SOAT1: variants seen among roughly 807,000 people sequenced by gnomAD.
SOAT1 encodes sterol O-acyltransferase 1, also known as acyl-coenzyme A:cholesterol acyltransferase 1.
In SOAT1, 55 loss-of-function variants were observed where a neutral mutation model predicts 69.5. That is an observed-to-expected ratio of 0.79 (90% CI 0.64 to 0.99). The LOEUF is 0.99. Among genes scored for constraint, SOAT1 ranks in the 50% least tolerant of loss-of-function variants. SOAT1 has a pLI of 0.00. For synonymous variants in SOAT1, 231 were observed against 224.7 expected, an observed-to-expected ratio of 1.03 and a Z score of -0.25; for missense variants, 580 against 669.3, an observed-to-expected ratio of 0.87 and a Z score of 1.47.
intron 2 of SOAT1, among the ~76,000 whole-genome samples, chr1:179,317,970 T>C (rs965996280): frequency 1.3e-5 from 2 of 152,044 alleles, no homozygotes; most frequent in Non-Finnish European, 2.9e-5. Flanking sequence ...GAGGATTGTT[T>C]GAGGCCAGGA....
chr1:179,320,416 G>A (rs1665555036), intron 2 of SOAT1, among the ~76,000 whole-genome samples: 1 of 150,634 alleles, frequency 6.6e-6, no homozygotes. Context: ...TCTAAAATTG[G>A]GAAGTGTGAG....
chr1:179,331,476 G>A (rs1665971819), intron 3 of SOAT1, among the ~76,000 whole-genome samples: 1 of 152,148 alleles, frequency 6.6e-6, no homozygotes, highest in Admixed American at 6.5e-5. Context: ...AGTGGCTCAC[G>A]CCTGTAAACC....
At chr1:179,297,156 C>T (rs1317896899) in intron 1 of SOAT1, among the ~76,000 whole-genome samples, 2 of 152,166 alleles carry the variant, frequency 1.3e-5, no homozygotes, top group Admixed American at 6.5e-5. Flanking sequence ...GCTTCCTAAA[C>T]GCTAGAGATT....
intron 2 of SOAT1, among the ~76,000 whole-genome samples, chr1:179,314,514 A>G (rs1665326718): frequency 6.6e-6 from 1 of 152,200 alleles, no homozygotes; most frequent in Non-Finnish European, 1.5e-5. Flanking sequence ...TGCTAAAGAT[A>G]TCACTATAAT....
chr1:179,314,556 G>A (rs1313721351), intron 2 of SOAT1, among the ~76,000 whole-genome samples: 1 of 152,180 alleles, frequency 6.6e-6, no homozygotes, highest in East Asian at 1.9e-4. Context: ...TCTCTTACTT[G>A]TTCCGAAGAT....
chr1:179,339,520 G>C lies in SOAT1; in HGVS notation c.472G>C (p.Val158Leu). 2.5e-6 allele frequency: 4 copies of C among 1,610,746 alleles called. No individual in the cohort carries two copies. The highest frequency in any genetic ancestry group is 3.4e-6 in the Non-Finnish European group (4 of 1,178,052). ...CATTCTCTTTATCCTCAGCACACTTGTAGTAGATTACATTGATGAAGGAAG... is the reference window on the plus strand; with the variant it reads ...CATTCTCTTTATCCTCAGCACACTTCTAGTAGATTACATTGATGAAGGAAG... The part of the protein sequence containing the change: ...LLILFILSTL[V>L]VDYIDEGRLV... The change falls in exon 6 of 16, where the codon GTA becomes CTA. Residue 158 changes from valine (V) to leucine (L), a missense_variant. By Grantham distance (32) the Val-to-Leu change is conservative. Coordinates refer to ENST00000367619, the MANE Select transcript of SOAT1 (RefSeq NM_003101.6).
At chr1:179,307,553 A>G (rs1261956129) in intron 2 of SOAT1, among the ~76,000 whole-genome samples, 1 of 144,810 alleles carries the variant, frequency 6.9e-6, no homozygotes, top group African/African-American at 2.6e-5. Context: ...CAACATAGTG[A>G]GACCCCATCT....
chr1:179,318,571 A>G (rs548319586), intron 2 of SOAT1, among the ~76,000 whole-genome samples: 1 of 152,166 alleles, frequency 6.6e-6, no homozygotes, highest in Non-Finnish European at 1.5e-5. Flanking sequence ...TATTTTTAGC[A>G]TCACCTCCCC....
At position 179,351,436 on chromosome 1, in the gene SOAT1, G is replaced by A; in HGVS notation, c.1570G>A (p.Ala524Thr). 1 of 1,613,870 alleles carries A rather than the reference G, an allele frequency of 6.2e-7. No individual in the cohort carries two copies. The highest frequency in any genetic ancestry group is 8.5e-7 in the Non-Finnish European group (1 of 1,179,960). The change falls in exon 15 of 16, where the codon GCA becomes ACA. Residue 524 changes from alanine to threonine, a missense_variant. By Grantham distance (58) the Ala-to-Thr change is moderately conservative. Coordinates refer to ENST00000367619, the MANE Select transcript of SOAT1 (RefSeq NM_003101.6). ...CTGCTTTTATTCTCAAGAATGGTAT[G>A]CACGTCAGCACTGTCCTCTGAAAAA... ...LLCFYSQEWY[A>T]RQHCPLKNPT...
At position 179,323,591 on chromosome 1, in the gene SOAT1, T is replaced by G. The variant is rs1665681378; in HGVS notation, c.177+96T>G. 6.0e-6 allele frequency: 6 copies of G among 994,408 alleles called. No individual in the cohort carries two copies. The South Asian group carries it at 8.6e-5, about 14-fold the overall frequency. 61.6% of individuals were successfully genotyped at this position (994,408 alleles called of 1,614,324 possible). On this transcript the variant is annotated intron_variant, in intron 3 of 15. Coordinates refer to ENST00000367619, the MANE Select transcript of SOAT1 (RefSeq NM_003101.6). ...ATGCTAAATTGCTCAGATAATTATT[T>G]AAGCCATTCATCAGTTGCTGTTATC...
At chr1:179,303,257 A>G (rs1291774886) in intron 2 of SOAT1, among the ~76,000 whole-genome samples, 1 of 152,230 alleles carries the variant, frequency 6.6e-6, no homozygotes, top group African/African-American at 2.4e-5. Context: ...ACCCAGTTCA[A>G]TACTGAGCTA....
At chr1:179,338,984 C>T (rs1666246307) in intron 5 of SOAT1, among the ~76,000 whole-genome samples, 1 of 151,938 alleles carries the variant, frequency 6.6e-6, no homozygotes, top group Non-Finnish European at 1.5e-5. Context: ...TTGTTATATT[C>T]TAAAAGAAAA....
chr1:179,323,010 C>G (rs550160298), intron 2 of SOAT1, among the ~76,000 whole-genome samples: 49 of 149,660 alleles, frequency 3.3e-4, no homozygotes, highest in Admixed American at 4.0e-4. Flanking sequence ...TATATGTCCC[C>G]TAGGATTCTA....
chr1:179,319,572 C>T (rs539739402), intron 2 of SOAT1, among the ~76,000 whole-genome samples: 5 of 151,988 alleles, frequency 3.3e-5, no homozygotes, highest in Admixed American at 3.3e-4. Flanking sequence ...ACCTGGCGTA[C>T]TTTGCCTATG....
intron 3 of SOAT1, among the ~76,000 whole-genome samples, chr1:179,331,245 G>C (rs958111846): frequency 6.6e-6 from 1 of 152,166 alleles, no homozygotes; most frequent in Non-Finnish European, 1.5e-5. Flanking sequence ...CTTACAAAAG[G>C]TAGACAGGTA....
intron 12 of SOAT1, 54 bp from the exon 13 acceptor site, chr1:179,348,790 G>C (rs1666621151): frequency 2.4e-6 from 1 of 420,498 alleles, no homozygotes; most frequent in Non-Finnish European, 4.2e-6. Flanking sequence ...GTGTGTGTGT[G>C]TGTGTGTGTG....
chr1:179,318,433 CG>C (rs1665471670), intron 2 of SOAT1, among the ~76,000 whole-genome samples: 1 of 151,838 alleles, frequency 6.6e-6, no homozygotes, highest in African/African-American at 2.4e-5. Flanking sequence ...TATAAAATTA[CG>C]AAAAAGATTC....
chr1:179,302,565 C>T (rs1293819230), intron 1 of SOAT1, 112 bp from the exon 2 acceptor site: 26 of 593,144 alleles, frequency 4.4e-5, no homozygotes, highest in Non-Finnish European at 6.4e-5. Flanking sequence ...TCCAGCCATG[C>T]GGAACTGTGA....
Position 179,350,441 on chromosome 1 carries a change from T to C in SOAT1, c.1450+10T>C, listed in dbSNP as rs761384541. The C allele has an allele frequency of 6.2e-7, 1 of 1,612,980 alleles. No individual in the cohort carries two copies. The stretch of plus-strand genomic sequence containing the variant: ...TTCATGTTCTTTGGAAGTAAGTATC[T>C]TGGTATGCTGTGAGTACTGGGTACT... On this transcript the variant is annotated intron_variant, in intron 14 of 15. Coordinates refer to ENST00000367619, the MANE Select transcript of SOAT1 (RefSeq NM_003101.6).
Sources: gnomAD v4.1 joint callset for allele counts (sites outside exome capture counted in the v4.1 genomes callset) on GRCh38, gnomAD v4.1.1 for gene constraint, MANE v1.5 for transcripts, NCBI Gene and HGNC (gene_info 2026-07-23, HGNC 2026-07-21) for gene names.